Variants in TAX1BP1 observed in about 807,000 individuals in gnomAD.
The protein encoded by TAX1BP1 is tax1-binding protein 1.
TAX1BP1 carries 62 observed loss-of-function variants against 97.7 expected under a neutral mutation model. The ratio of observed to expected loss-of-function variants is 0.63; its 90% CI spans 0.52 to 0.78. The LOEUF (loss-of-function observed/expected upper bound fraction) is 0.78, where lower values mean the gene tolerates loss of function less well. Among genes scored for constraint, TAX1BP1 ranks in the 30% least tolerant of loss-of-function variants. The pLI is 0.00. For missense variants in TAX1BP1, 867 were observed against 916.1 expected, an observed-to-expected ratio of 0.95 and a Z score of 0.69; for synonymous variants, 340 against 304.2, an observed-to-expected ratio of 1.12 and a Z score of -1.23.
chr7:27,793,879 T>C (rs192097511), intron 10 of TAX1BP1, among the ~76,000 whole-genome samples: 1 of 152,344 alleles, frequency 6.6e-6, no homozygotes, highest in East Asian at 1.9e-4. Context: ...TCTTTTACTA[T>C]GTGATGCATA....
chr7:27,805,857 A>AACAACAACC (rs1432375477), intron 13 of TAX1BP1, among the ~76,000 whole-genome samples: 1 of 152,058 alleles, frequency 6.6e-6, no homozygotes, highest in Non-Finnish European at 1.5e-5. Context: ...CAACAACAAC[A>AACAACAACC]AAATGCATAT....
chr7:27,827,712 A>G (rs1317636891), intron 15 of TAX1BP1, 26 bp from the exon 16 acceptor site: 2 of 1,598,090 alleles, frequency 1.3e-6, no homozygotes, highest in African/African-American at 1.3e-5. Flanking sequence ...CTTTTCTTAA[A>G]AGTTCCAAAA....
At chr7:27,822,260 G>A (rs1260535539) in intron 15 of TAX1BP1, among the ~76,000 whole-genome samples, 1 of 152,176 alleles carries the variant, frequency 6.6e-6, no homozygotes, top group Non-Finnish European at 1.5e-5. Flanking sequence ...CCATTCATGT[G>A]TTAGACATTT....
intron 7 of TAX1BP1, 35 bp downstream of exon 7, chr7:27,785,524 C>A (rs1486711307): frequency 1.2e-5 from 19 of 1,549,256 alleles, no homozygotes; most frequent in Non-Finnish European, 8.8e-7. Flanking sequence ...TTGCCTGTTG[C>A]TTCAAAAGAA....
At chr7:27,800,534 T>C (rs1163583532) in intron 13 of TAX1BP1, among the ~76,000 whole-genome samples, 2 of 151,828 alleles carry the variant, frequency 1.3e-5, no homozygotes, top group Non-Finnish European at 1.5e-5. Context: ...CTGGGCAACA[T>C]AGGGAGATAC....
At chr7:27,796,871 T>C in intron 12 of TAX1BP1, among the ~76,000 whole-genome samples, 1 of 151,854 alleles carries the variant, frequency 6.6e-6, no homozygotes, top group Admixed American at 6.6e-5. Flanking sequence ...AAATAATAAA[T>C]AAAATAAATT....
In TAX1BP1 at chr7:27,769,057, A is replaced by G. The variant is rs190414282; in HGVS notation, c.454-619A>G. ...TTTTCCTGAACTATTAGCTGTTCCC[A>G]TAAGAATCAGGTATATTGTTAATAT... On this transcript the variant is annotated intron_variant, in intron 4 of 16. Transcript: ENST00000396319. Among the ~76,000 whole-genome samples, 78 of 152,090 alleles carry G rather than the reference A, an allele frequency of 5.1e-4. 1 individual carries two copies. In the East Asian group the frequency reaches 0.014, roughly 28 times the overall value.
chr7:27,763,956 T>A (rs553572433), intron 3 of TAX1BP1, among the ~76,000 whole-genome samples: 161 of 152,332 alleles, frequency 1.1e-3, no homozygotes, highest in African/African-American at 3.7e-3. Context: ...ATTTTTAAAA[T>A]CTTTAAAAAT....
intron 5 of TAX1BP1, 86 bp downstream of exon 5, chr7:27,769,920 G>C (rs1361981562): frequency 1.5e-6 from 2 of 1,328,176 alleles, no homozygotes; most frequent in African/African-American, 3.0e-5. Flanking sequence ...AATTAAGTAA[G>C]TGAAAACCAG....
At chr7:27,828,503 A>G (rs1228660133) in intron 16 of TAX1BP1, 125 bp from the exon 17 acceptor site, 2 of 819,708 alleles carry the variant, frequency 2.4e-6, no homozygotes, top group Non-Finnish European at 3.8e-6. Flanking sequence ...TGGAGTAAAG[A>G]CTTTTAAGGT....
At chr7:27,777,998 G>A (rs1233498451) in intron 5 of TAX1BP1, among the ~76,000 whole-genome samples, 1 of 152,156 alleles carries the variant, frequency 6.6e-6, no homozygotes, top group South Asian at 2.1e-4. Flanking sequence ...TCGCTATCAG[G>A]AGAAATGTTT....
At chr7:27,782,675 T>G (rs1562718388) in intron 5 of TAX1BP1, among the ~76,000 whole-genome samples, 2 of 152,234 alleles carry the variant, frequency 1.3e-5, no homozygotes, top group Non-Finnish European at 2.9e-5. Flanking sequence ...AAAGCCAGAT[T>G]AAGTAAAATG....
At chr7:27,821,009 T>C (rs1790949979) in intron 15 of TAX1BP1, among the ~76,000 whole-genome samples, 1 of 152,216 alleles carries the variant, frequency 6.6e-6, no homozygotes, top group Non-Finnish European at 1.5e-5. Flanking sequence ...TTAAGTGTCA[T>C]CTCAGGGCTT....
At position 27,771,436 on chromosome 7, in the gene TAX1BP1, A is replaced by C. The variant is rs930767585; in HGVS notation, c.612+1602A>C. Among the ~76,000 whole-genome samples the C allele has an allele frequency of 2.0e-5, 3 of 151,816 alleles. No homozygotes were observed. In the East Asian group the frequency reaches 5.8e-4, roughly 29 times the overall value. On this transcript the variant is annotated intron_variant, in intron 5 of 16. Transcript: ENST00000396319. Reference sequence around the variant, plus strand: ...GGAAGGAATGGATGATTGTGAGAATAGGAATGGCGGAATGATAGGCCTTCA... The same window carrying C: ...GGAAGGAATGGATGATTGTGAGAATCGGAATGGCGGAATGATAGGCCTTCA...
At chr7:27,801,102 T>TG (rs1242090237) in intron 13 of TAX1BP1, among the ~76,000 whole-genome samples, 2 of 84,618 alleles carry the variant, frequency 2.4e-5, no homozygotes, top group African/African-American at 1.2e-4. Flanking sequence ...AGACTCCGTC[T>TG]CAAAAAAAAA....
chr7:27,755,083 T>A (rs1788160819), intron 2 of TAX1BP1, among the ~76,000 whole-genome samples: 1 of 152,174 alleles, frequency 6.6e-6, no homozygotes, highest in Non-Finnish European at 1.5e-5. Context: ...TTGCAGTCAT[T>A]TTTTTCCTAA....
chr7:27,800,816 T>TA (rs1353422501), intron 13 of TAX1BP1, among the ~76,000 whole-genome samples: 1 of 152,052 alleles, frequency 6.6e-6, no homozygotes, highest in Non-Finnish European at 1.5e-5. Flanking sequence ...GTAAGAATGT[T>TA]AGAGAAGGTC....
chr7:27,805,811 G>A (rs1180686921), intron 13 of TAX1BP1, among the ~76,000 whole-genome samples: 1 of 152,048 alleles, frequency 6.6e-6, no homozygotes, highest in East Asian at 1.9e-4. Context: ...ACTCCAGCCT[G>A]GGCAACAGAG....
intron 2 of TAX1BP1, among the ~76,000 whole-genome samples, chr7:27,750,225 C>T (rs1387282517): frequency 1.3e-5 from 2 of 152,108 alleles, no homozygotes; most frequent in African/African-American, 4.8e-5. Flanking sequence ...AGGGCATTTC[C>T]AGCAGGAAAA....
Sources: allele counts gnomAD v4.1 joint callset (sites outside exome capture counted in the v4.1 genomes callset), GRCh38; gene constraint gnomAD v4.1.1; transcripts MANE v1.5; gene names NCBI Gene and HGNC (gene_info 2026-07-23, HGNC 2026-07-21).